The following NACC2 variants were observed in gnomAD, a reference collection of about 807,000 sequenced individuals.
NACC2 encodes the protein nucleus accumbens-associated protein 2.
Under a neutral mutation model 25.1 loss-of-function variants are expected in NACC2, and 8 were observed. The ratio of observed to expected loss-of-function variants is 0.32; its 90% CI spans 0.19 to 0.57. The LOEUF (loss-of-function observed/expected upper bound fraction) is 0.57, where lower values mean the gene tolerates loss of function less well. NACC2 is among the 20% of genes least tolerant of loss of function. The pLI is 0.89. For missense variants in NACC2, 644 were observed against 650.2 expected, an observed-to-expected ratio of 0.99 and a Z score of 0.10; for synonymous variants, 435 against 294.7, an observed-to-expected ratio of 1.48 and a Z score of -4.88.
At chr9:136,052,348 A>G (rs1840857846) in intron 1 of NACC2, among the ~76,000 whole-genome samples, 1 of 151,862 alleles carries the variant, frequency 6.6e-6, no homozygotes. Flanking sequence ...GGACAGCCCC[A>G]GTGTCAAAGC....
At chr9:136,025,612 A>AT (rs1213571581) in intron 2 of NACC2, among the ~76,000 whole-genome samples, 1 of 151,760 alleles carries the variant, frequency 6.6e-6, no homozygotes, top group Non-Finnish European at 1.5e-5. Flanking sequence ...ATTAAGTCCT[A>AT]TTAAAAAAAA....
At chr9:136,072,378 G>A (rs1332854297) in intron 1 of NACC2, among the ~76,000 whole-genome samples, 2 of 151,942 alleles carry the variant, frequency 1.3e-5, no homozygotes, top group African/African-American at 2.4e-5. Context: ...AAATCCTGTC[G>A]CTAATGAAAA....
intron 1 of NACC2, among the ~76,000 whole-genome samples, chr9:136,085,901 G>T (rs1484657353): frequency 6.6e-6 from 1 of 151,818 alleles, no homozygotes; most frequent in Non-Finnish European, 1.5e-5. Context: ...GCCGGGCGCC[G>T]TGCAGGGCAG....
At chr9:136,034,390 G>T (rs1177645698) in intron 2 of NACC2, among the ~76,000 whole-genome samples, 2 of 152,182 alleles carry the variant, frequency 1.3e-5, no homozygotes, top group African/African-American at 4.8e-5. Context: ...AAGAAAAAAG[G>T]AAGGGAGGAA....
chr9:136,043,459 C>A (rs1430909408), intron 2 of NACC2, among the ~76,000 whole-genome samples: 7 of 152,266 alleles, frequency 4.6e-5, no homozygotes, highest in African/African-American at 2.4e-5. Flanking sequence ...TGACAGAGAA[C>A]CCCGGCTGCC....
intron 1 of NACC2, among the ~76,000 whole-genome samples, chr9:136,090,637 T>G (rs561441830): frequency 4.0e-4 from 61 of 152,230 alleles, no homozygotes; most frequent in African/African-American, 1.4e-3. Flanking sequence ...GCCTCCAGAT[T>G]CCAACATCAG....
In NACC2 at chr9:136,086,999, G is replaced by A. The variant is rs1399622054; in HGVS notation, c.-60+8190C>T. Among the ~76,000 whole-genome samples, 1 of 152,268 alleles carries A rather than the reference G, an allele frequency of 6.6e-6. No individual in the cohort carries two copies. Among genetic ancestry groups the A allele is most frequent in the Non-Finnish European group, 1.5e-5 (1 of 68,052 alleles). Reference sequence around the variant, plus strand: ...TACAGATATCATTAGTGAAAGGTAAGATGAGATATCCCGGATTTAGGGTGG... The same window carrying A: ...TACAGATATCATTAGTGAAAGGTAAAATGAGATATCCCGGATTTAGGGTGG... On this transcript the variant is annotated intron_variant, in intron 1 of 5. Transcript: ENST00000277554. The surrounding 1 kb of genome is among the most constrained non-coding windows in gnomAD (Gnocchi z 5.6).
At chr9:136,012,122 C>A in intron 5 of NACC2, 98 bp from the exon 6 acceptor site, 1 of 1,394,680 alleles carries the variant, frequency 7.2e-7, no homozygotes. Context: ...TGAGCCTCCC[C>A]GGCCGCTCCT....
At chr9:136,024,233 G>A (rs371917354) in intron 2 of NACC2, among the ~76,000 whole-genome samples, 4 of 37,390 alleles carry the variant, frequency 1.1e-4, no homozygotes, top group African/African-American at 8.7e-5. Context: ...GACAGAGGGT[G>A]TGTGTGAGGA....
At chr9:136,090,753 C>T (rs1830425830) in intron 1 of NACC2, among the ~76,000 whole-genome samples, 1 of 152,214 alleles carries the variant, frequency 6.6e-6, no homozygotes, top group East Asian at 1.9e-4. Context: ...ATGCTCTACC[C>T]CTTCACAGAC....
intron 1 of NACC2, among the ~76,000 whole-genome samples, chr9:136,093,396 C>T (rs1039259244): frequency 1.3e-5 from 2 of 152,190 alleles, no homozygotes; most frequent in Admixed American, 1.3e-4. Context: ...TTCCAGCAGC[C>T]GGTGGTAAAG....
At chr9:136,023,832 T>C (rs1840333383) in intron 2 of NACC2, among the ~76,000 whole-genome samples, 1 of 152,184 alleles carries the variant, frequency 6.6e-6, no homozygotes, top group Non-Finnish European at 1.5e-5. Context: ...AGGGTCTGTG[T>C]GTGCTGAGAA....
At chr9:136,061,749 G>A (rs1841013400) in intron 1 of NACC2, among the ~76,000 whole-genome samples, 2 of 152,078 alleles carry the variant, frequency 1.3e-5, no homozygotes, top group South Asian at 4.2e-4. Context: ...GGTGGGCGGG[G>A]ACAAGCACAT....
At position 136,007,347 on chromosome 9, in the gene NACC2, GCA is replaced by G. The variant is rs138608019; in HGVS notation, c.*4167_*4168del. ...CTCCGGTGGTGACGTGCACGCGCGT[GCA>G]CACACACAGACACACGCGTGCACAC... is the stretch of plus-strand genomic sequence containing the variant. On this transcript the variant is annotated 3_prime_UTR_variant, in exon 6 of 6. Coordinates refer to ENST00000277554, the MANE Select transcript of NACC2 (RefSeq NM_144653.5). 0.016 allele frequency: 2,470 copies of G among 153,094 alleles called. 51 individuals are homozygous for G. The highest frequency in any genetic ancestry group is 0.017 in the Non-Finnish European group (1,160 of 67,172). The allele number at this position is 153,094 out of a possible 1,614,324, so 9.5% of individuals were successfully genotyped here.
At chr9:136,074,452 C>CA (rs35835119) in intron 1 of NACC2, among the ~76,000 whole-genome samples, 37,629 of 53,778 alleles carry the variant, frequency 0.7, 13,892 homozygotes, top group South Asian at 0.9. Flanking sequence ...GACTCCGTCT[C>CA]AAAAAAAAAA....
Position 136,030,482 on chromosome 9 carries a change from C to T in NACC2, c.887-14053G>A, listed in dbSNP as rs182018875. On this transcript the variant is annotated intron_variant, in intron 2 of 5. Coordinates refer to ENST00000277554, the MANE Select transcript of NACC2 (RefSeq NM_144653.5). ...AAAATTAGCCAGGCATGGTGGCAGG[C>T]GCCTGTAGTCCCAGCTACTTGGGAG... 3.3e-3 allele frequency among the ~76,000 whole-genome samples: 502 copies of T among 151,906 alleles called. 2 individuals carry two copies. The highest frequency in any genetic ancestry group is 0.012 in the African/African-American group (483 of 41,462).
intron 1 of NACC2, among the ~76,000 whole-genome samples, chr9:136,094,848 G>A (rs1268180306): frequency 6.6e-6 from 1 of 151,576 alleles, no homozygotes; most frequent in Non-Finnish European, 1.5e-5. Flanking sequence ...CAGAAATCCA[G>A]GGAAACCCAG....
At chr9:136,089,416 G>A (rs1464469591) in intron 1 of NACC2, among the ~76,000 whole-genome samples, 1 of 152,034 alleles carries the variant, frequency 6.6e-6, no homozygotes, top group Non-Finnish European at 1.5e-5. Flanking sequence ...GCGAAGGGTA[G>A]GGGGTACAGA....
intron 1 of NACC2, among the ~76,000 whole-genome samples, chr9:136,082,995 A>G (rs1157080666): frequency 2.0e-5 from 3 of 152,194 alleles, no homozygotes; most frequent in South Asian, 2.1e-4. Flanking sequence ...TACGGCTGTC[A>G]TAACTTCTGC....
Sources: gnomAD v4.1 joint callset for allele counts (sites outside exome capture counted in the v4.1 genomes callset) on GRCh38, gnomAD v4.1.1 for gene constraint, Gnocchi (gnomAD v3.1) non-coding constraint, MANE v1.5 for transcripts, NCBI Gene and HGNC (gene_info 2026-07-23, HGNC 2026-07-21) for gene names.